Variants in ARMC1 observed in about 807,000 individuals in gnomAD.
The protein encoded by ARMC1 is armadillo repeat containing 1.
A neutral mutation model predicts 31.4 loss-of-function variants in ARMC1; 16 were observed. The observed-to-expected ratio is 0.51, with a 90% confidence interval of 0.34 to 0.77. ARMC1 has a LOEUF of 0.77. Among genes scored for constraint, ARMC1 ranks in the 30% least tolerant of loss-of-function variants. The pLI is 0.01. For synonymous variants in ARMC1, 114 were observed against 118.9 expected (o/e 0.96, Z 0.27); for missense variants, 259 against 347.5 (o/e 0.75, Z 2.02).
At chr8:65,617,872 T>G (rs568747969) in intron 3 of ARMC1, among the ~76,000 whole-genome samples, 55 of 149,498 alleles carry the variant, frequency 3.7e-4, no homozygotes, top group African/African-American at 1.3e-3. Flanking sequence ...ACTGTAACAG[T>G]AGTTCTTAGC....
intron 3 of ARMC1, among the ~76,000 whole-genome samples, chr8:65,619,566 G>C (rs1808347978): frequency 6.6e-6 from 1 of 152,014 alleles, no homozygotes; most frequent in South Asian, 2.1e-4. Context: ...TTTTCGAGCA[G>C]CTGGGCATGG....
At chr8:65,606,360 CAA>C (rs11437403) in intron 4 of ARMC1, among the ~76,000 whole-genome samples, 9 of 115,944 alleles carry the variant, frequency 7.8e-5, no homozygotes, top group African/African-American at 6.3e-5. Flanking sequence ...GACACCATCT[CAA>C]AAAAAAAAAA....
At chr8:65,616,340 G>A (rs1808256927) in intron 3 of ARMC1, among the ~76,000 whole-genome samples, 2 of 152,176 alleles carry the variant, frequency 1.3e-5, no homozygotes, top group South Asian at 4.1e-4. Context: ...TCGCTGTGTT[G>A]GCCGGGCTGG....
Position 65,613,329 on chromosome 8 carries a change from C to T in ARMC1, c.380G>A (p.Arg127His), listed in dbSNP as rs531455993. Reference sequence around the variant, plus strand: ...CAGAAAAAATTGAGCTTTCCTTCGACGTGAATTCATCTCATTAAAACTATC... The same window carrying T: ...CAGAAAAAATTGAGCTTTCCTTCGATGTGAATTCATCTCATTAAAACTATC... ...DGDSFNEMNS[R>H]RRKAQFFLGT... is the part of the protein sequence containing the mutation. The change falls in exon 4 of 7, where the codon CGT (arginine) becomes CAT (histidine). Residue 127 changes from arginine (R) to histidine (H), a missense_variant. By Grantham distance (29) the Arg-to-His change is conservative (BLOSUM62 0). This residue lies in a region of ARMC1 where 163 missense variants were observed against 186.7 expected (regional missense o/e 0.87). Coordinates refer to ENST00000276569, the MANE Select transcript of ARMC1 (RefSeq NM_018120.6). The T allele has an allele frequency of 5.0e-6, 8 of 1,612,794 alleles. No homozygotes were observed. Among genetic ancestry groups the T allele is most frequent in the African/African-American group, 2.7e-5 (2 of 75,002 alleles).
At chr8:65,614,893 T>G (rs1808218005) in intron 3 of ARMC1, among the ~76,000 whole-genome samples, 1 of 152,192 alleles carries the variant, frequency 6.6e-6, no homozygotes. Context: ...AACCCAATTC[T>G]CCCTTTGCAT....
intron 1 of ARMC1, 128 bp from the exon 2 acceptor site, chr8:65,627,561 A>G (rs764340911): frequency 6.0e-6 from 3 of 499,798 alleles, no homozygotes; most frequent in Non-Finnish European, 9.6e-6. Flanking sequence ...AAAAACTTAG[A>G]AATCGGCAAC....
intron 4 of ARMC1, among the ~76,000 whole-genome samples, chr8:65,608,304 ATCACCTG>A (rs1808046052): frequency 6.6e-6 from 1 of 152,200 alleles, no homozygotes; most frequent in Non-Finnish European, 1.5e-5. Context: ...AGGCAGGTGG[ATCACCTG>A]AGGTCAGGAG....
intron 2 of ARMC1, among the ~76,000 whole-genome samples, chr8:65,626,925 G>T (rs1292255128): frequency 2.0e-5 from 3 of 151,864 alleles, no homozygotes; most frequent in Non-Finnish European, 4.4e-5. Context: ...TGAGGTCGGG[G>T]GGATGGTTTA....
At chr8:65,625,321 G>T (rs140848171) in intron 2 of ARMC1, among the ~76,000 whole-genome samples, 65 of 152,268 alleles carry the variant, frequency 4.3e-4, no homozygotes, top group African/African-American at 1.4e-3. Flanking sequence ...ACCTGGCCAA[G>T]TAACAACTCT....
chr8:65,607,581 A>G (rs1808031898), intron 4 of ARMC1, among the ~76,000 whole-genome samples: 1 of 152,218 alleles, frequency 6.6e-6, no homozygotes, highest in Admixed American at 6.5e-5. Flanking sequence ...CAAGAGAGCA[A>G]AAAGTTTTGC....
Position 65,604,534 on chromosome 8 carries a change from G to A in ARMC1, c.709C>T (p.Leu237=). The A allele has an allele frequency of 6.2e-7, 1 of 1,614,078 alleles. No homozygotes were observed. Among genetic ancestry groups the A allele is most frequent in the East Asian group, 2.2e-5 (1 of 44,890 alleles). ...TPVEVEQNTE[L]PDYLPEDESP... ...TCATCCTCAGGCAGGTAGTCAGGTAGCTCTGTGTTCTGTTCAACTTCCACA... is the reference window on the plus strand; with the variant it reads ...TCATCCTCAGGCAGGTAGTCAGGTAACTCTGTGTTCTGTTCAACTTCCACA... The change falls in exon 7 of 7, where the codon CTA becomes TTA. Residue 237 remains leucine, a synonymous_variant. Transcript: ENST00000276569.
chr8:65,633,612 A>C (rs1808699608), intron 1 of ARMC1: 1 of 152,262 alleles, frequency 6.6e-6, no homozygotes, highest in Admixed American at 6.5e-5. Context: ...TAAATATAAA[A>C]ATGGGAACAC....
chr8:65,609,743 A>C (rs1808082610), intron 4 of ARMC1, among the ~76,000 whole-genome samples: 1 of 151,864 alleles, frequency 6.6e-6, no homozygotes, highest in African/African-American at 2.4e-5. Context: ...CTGTAGTCCC[A>C]GCTACAGGGG....
chr8:65,608,694 G>C (rs1808056656), intron 4 of ARMC1, among the ~76,000 whole-genome samples: 1 of 151,968 alleles, frequency 6.6e-6, no homozygotes, highest in Admixed American at 6.6e-5. Flanking sequence ...GATCACTTGA[G>C]ATCAGGAGTT....
intron 1 of ARMC1, among the ~76,000 whole-genome samples, chr8:65,630,878 C>A (rs1348230688): frequency 6.6e-6 from 1 of 152,020 alleles, no homozygotes; most frequent in Non-Finnish European, 1.5e-5. Context: ...AAGGATTGGG[C>A]TCAAATCAGC....
At chr8:65,606,293 G>A (rs981917837) in intron 4 of ARMC1, among the ~76,000 whole-genome samples, 2 of 151,576 alleles carry the variant, frequency 1.3e-5, no homozygotes, top group South Asian at 2.1e-4. Flanking sequence ...CCCGGGAGGC[G>A]GAGGTTGCAG....
intron 3 of ARMC1, among the ~76,000 whole-genome samples, chr8:65,621,942 AT>A (rs1001829984): frequency 4.7e-4 from 69 of 147,966 alleles, no homozygotes; most frequent in African/African-American, 6.1e-4. Context: ...TAAAATTGAA[AT>A]TTTTTTTTTT....
chr8:65,613,517 T>C, intron 3 of ARMC1, 84 bp from the exon 4 acceptor site: 1 of 893,008 alleles, frequency 1.1e-6, no homozygotes, highest in Non-Finnish European at 1.7e-6. Flanking sequence ...GAGCCTTGTT[T>C]CTTTTACTCT....
Position 65,625,880 on chromosome 8 carries a change from T to C in ARMC1, c.183+1336A>G, listed in dbSNP as rs868853413. Among the ~76,000 whole-genome samples the C allele has an allele frequency of 3.8e-4, 58 of 152,242 alleles. No individual in the cohort carries two copies. In the Middle Eastern group the frequency reaches 0.014, roughly 36 times the overall value. On this transcript the variant is annotated intron_variant, in intron 2 of 6. Coordinates refer to ENST00000276569, the MANE Select transcript of ARMC1 (RefSeq NM_018120.6). Reference sequence around the variant, plus strand: ...TAAAATTTCCAAAACATTAATTTTTTTAACAACTTTTTTTTTTTTTTTTTT... The same window carrying C: ...TAAAATTTCCAAAACATTAATTTTTCTAACAACTTTTTTTTTTTTTTTTTT...
Sources: gnomAD v4.1 joint callset for allele counts (sites outside exome capture counted in the v4.1 genomes callset) on GRCh38, gnomAD v4.1.1 for gene constraint, gnomAD v4.1.1 regional missense constraint, MANE v1.5 for transcripts, NCBI Gene and HGNC (gene_info 2026-07-23, HGNC 2026-07-21) for gene names.